Variants in TTC3 observed in about 807,000 individuals in gnomAD.
TTC3 encodes E3 ubiquitin-protein ligase TTC3.
TTC3 carries 180 observed loss-of-function variants against 249.6 expected under a neutral mutation model. The ratio of observed to expected loss-of-function variants is 0.72; its 90% CI spans 0.64 to 0.82. TTC3 has a LOEUF of 0.82. Among genes scored for constraint, TTC3 ranks in the 40% least tolerant of loss-of-function variants. TTC3 has a pLI of 0.00. For synonymous variants in TTC3, 717 were observed against 805.0 expected, an observed-to-expected ratio of 0.89 and a Z score of 1.85; for missense variants, 2,061 against 2,398.4, an observed-to-expected ratio of 0.86 and a Z score of 2.94.
At chr21:37,160,727 T>G in intron 29 of TTC3, 75 bp from the exon 30 acceptor site, 2 of 1,482,360 alleles carry the variant, frequency 1.3e-6, no homozygotes, top group South Asian at 1.2e-5. Flanking sequence ...CTGTAAAAAC[T>G]CATATGGTTT....
intron 5 of TTC3, among the ~76,000 whole-genome samples, chr21:37,089,604 C>T (rs1304825609): frequency 1.3e-5 from 2 of 152,172 alleles, no homozygotes; most frequent in African/African-American, 2.4e-5. Context: ...ATCTTCGCCT[C>T]CCGGATTCAA....
intron 35 of TTC3, 149 bp from the exon 36 acceptor site, chr21:37,182,625 G>C (rs1310905274): frequency 1.3e-6 from 1 of 753,854 alleles, no homozygotes; most frequent in Non-Finnish European, 2.0e-6. Context: ...GGGGGGCATA[G>C]TCTGCCACAG....
At chr21:37,140,801 C>T (rs1290992208) in intron 20 of TTC3, 128 bp downstream of exon 20, 5 of 555,614 alleles carry the variant, frequency 9.0e-6, no homozygotes, top group African/African-American at 2.0e-5. Context: ...TTGTGATTTA[C>T]TTTGAGGACC....
At chr21:37,159,477 AT>A (rs1251276409) in intron 28 of TTC3, 6 of 543,786 alleles carry the variant, frequency 1.1e-5, no homozygotes, top group Non-Finnish European at 1.9e-5. Flanking sequence ...GGCACTCAAC[AT>A]TATGCTGAAT....
At chr21:37,135,314 G>C in intron 17 of TTC3, 66 bp from the exon 18 acceptor site, 2 of 1,504,404 alleles carry the variant, frequency 1.3e-6, no homozygotes, top group East Asian at 2.3e-5. Context: ...TATGAACTTG[G>C]CATCTTAGGT....
intron 20 of TTC3, among the ~76,000 whole-genome samples, chr21:37,142,148 T>G (rs932178398): frequency 6.6e-6 from 1 of 152,310 alleles, no homozygotes; most frequent in East Asian, 1.9e-4. Flanking sequence ...AGTATCATAC[T>G]GAATGGACGA....
chr21:37,091,281 C>G lies in TTC3; in HGVS notation c.481-12C>G. 1 of 1,605,518 alleles carries G rather than the reference C, an allele frequency of 6.2e-7. No individual in the cohort carries two copies. Among genetic ancestry groups the G allele is most frequent in the African/African-American group, 1.3e-5 (1 of 74,680 alleles). ...AACCAAAGCCCCATTCTTCATTTCTCTTTTGAAACAGAAAATCTTGGCAAT... is the reference window on the plus strand; with the variant it reads ...AACCAAAGCCCCATTCTTCATTTCTGTTTTGAAACAGAAAATCTTGGCAAT... On this transcript the variant is annotated splice_polypyrimidine_tract_variant and intron_variant, in intron 6 of 45. Transcript: ENST00000355666.
chr21:37,189,320 A>G (rs2148190201), intron 39 of TTC3, among the ~76,000 whole-genome samples: 1 of 152,184 alleles, frequency 6.6e-6, no homozygotes, highest in Middle Eastern at 3.4e-3. Flanking sequence ...ATCTTGGCTC[A>G]CTGCAACCTC....
chr21:37,191,572 C>T, intron 40 of TTC3, 148 bp downstream of exon 40: 1 of 514,698 alleles, frequency 1.9e-6, no homozygotes, highest in East Asian at 3.7e-5. Flanking sequence ...TTTCATGGAA[C>T]TAATGGTTTT....
chr21:37,191,411 T>C (rs2148204681), exon 40 of TTC3: 2 of 1,577,828 alleles, frequency 1.3e-6, no homozygotes, highest in East Asian at 2.3e-5. Context: ...ACAAAAGAAA[T>C]TGAGAAAGCA....
chr21:37,129,030 A>G (rs781139910), exon 16 of TTC3: 8 of 1,595,642 alleles, frequency 5.0e-6, no homozygotes, highest in Non-Finnish European at 6.0e-6. Context: ...AAAGGAAAAC[A>G]AAAATCTCGA....
intron 32 of TTC3, 56 bp from the exon 33 acceptor site, chr21:37,165,494 A>G: frequency 7.4e-7 from 1 of 1,346,128 alleles, no homozygotes. Context: ...TTTTTCAAAT[A>G]GACATATTCA....
intron 10 of TTC3, 136 bp from the exon 11 acceptor site, chr21:37,108,256 A>T: frequency 1.5e-6 from 1 of 681,392 alleles, no homozygotes; most frequent in East Asian, 3.0e-5. Flanking sequence ...GACATATATT[A>T]TATGGATTTT....
chr21:37,073,441 C>A (rs1371253836), intron 1 of TTC3: 4 of 986,398 alleles, frequency 4.1e-6, no homozygotes, highest in African/African-American at 1.7e-5. Context: ...GCCGGGGGAG[C>A]GGGGCCTTCC....
intron 10 of TTC3, 109 bp from the exon 11 acceptor site, chr21:37,108,283 C>A (rs2075281515): frequency 3.8e-6 from 3 of 781,034 alleles, no homozygotes; most frequent in African/African-American, 3.6e-5. Context: ...TTAAAATTAT[C>A]TTTTGACTAG....
chr21:37,092,061 A>G (rs1296953289), intron 7 of TTC3, among the ~76,000 whole-genome samples: 7 of 152,176 alleles, frequency 4.6e-5, no homozygotes, highest in African/African-American at 9.7e-5. Context: ...TAAGCTTATG[A>G]TTTTTATTTT....
chr21:37,196,960 G>A (rs563397154), intron 42 of TTC3, among the ~76,000 whole-genome samples: 3 of 152,212 alleles, frequency 2.0e-5, no homozygotes, highest in Non-Finnish European at 1.5e-5. Flanking sequence ...TCTGGTTTCC[G>A]CTGTTCAGGT....
chr21:37,097,648 G>A (rs183402183), intron 10 of TTC3, among the ~76,000 whole-genome samples: 13 of 152,192 alleles, frequency 8.5e-5, no homozygotes, highest in Admixed American at 2.0e-4. Flanking sequence ...AGTTTTGAAA[G>A]AAGTTGGGCT....
chr21:37,089,777 G>A (rs1202014933), intron 5 of TTC3, among the ~76,000 whole-genome samples: 1 of 152,052 alleles, frequency 6.6e-6, no homozygotes, highest in Non-Finnish European at 1.5e-5. Flanking sequence ...GCCTCTCAAA[G>A]TGCTGGGATT....
Sources: allele counts gnomAD v4.1 joint callset (sites outside exome capture counted in the v4.1 genomes callset), GRCh38; gene constraint gnomAD v4.1.1; transcripts MANE v1.5; gene names NCBI Gene and HGNC (gene_info 2026-07-23, HGNC 2026-07-21).